ZFYVE16: variants seen among roughly 807,000 people sequenced by gnomAD.
ZFYVE16 encodes the protein zinc finger FYVE domain-containing protein 16.
In ZFYVE16, 89 loss-of-function variants were observed where a neutral mutation model predicts 138.1. The ratio of observed to expected loss-of-function variants is 0.64; its 90% CI spans 0.54 to 0.77. The LOEUF (loss-of-function observed/expected upper bound fraction) is 0.77. Ranked by LOEUF, ZFYVE16 falls within the 30% of genes least tolerant of loss-of-function variation. ZFYVE16 has a pLI of 0.00. For synonymous variants in ZFYVE16, 596 were observed against 618.3 expected (o/e 0.96, Z 0.53); for missense variants, 1,793 against 1,786.7 (o/e 1.00, Z -0.06).
rs760569192 is a variant in ZFYVE16 at position 80,445,400 on chromosome 5, C to T, written c.2719C>T (p.Pro907Ser). Residue 907 changes from proline to serine, a missense_variant, in exon 7 of 19, where the codon CCT (proline) becomes TCT (serine). Physicochemically the swap from Pro to Ser is moderately conservative, Grantham distance 74 (BLOSUM62 -1). Coordinates refer to ENST00000505560, the MANE Select transcript of ZFYVE16 (RefSeq NM_001284236.3). ...EDFSPLSPDV[P>S]MTVNTVDHSH... ...CTTTAGTCCTCTCTCACCTGATGTGCCTATGGTAAGGAATTCAAAGAATAA... is the reference window on the plus strand; with the variant it reads ...CTTTAGTCCTCTCTCACCTGATGTGTCTATGGTAAGGAATTCAAAGAATAA... 6.2e-7 allele frequency: 1 copy of T among 1,610,020 alleles called. No homozygotes were observed. Among genetic ancestry groups the T allele is most frequent in the South Asian group, 1.1e-5 (1 of 90,052 alleles).
At chr5:80,411,952 T>G (rs1745521204) in intron 1 of ZFYVE16, among the ~76,000 whole-genome samples, 1 of 152,166 alleles carries the variant, frequency 6.6e-6, no homozygotes, top group South Asian at 2.1e-4. Flanking sequence ...TTTGCCACTT[T>G]TATTTCATTT....
At position 80,437,894 on chromosome 5, in the gene ZFYVE16, TA is replaced by T; in HGVS notation, c.1212del (p.Asp405IlefsTer7). ...RGDFLPQHEH[K>X]DNIQDAVTIH... ...GTGATTTTTTACCTCAGCATGAACA[TA>T]AAGATAATATACAAGATGCAGTGAC... On this transcript the variant is annotated frameshift_variant, in exon 4 of 19. Coordinates refer to ENST00000505560, the MANE Select transcript of ZFYVE16 (RefSeq NM_001284236.3). LOFTEE classifies it high-confidence loss of function. 1 of 1,613,950 alleles carries T rather than the reference TA, an allele frequency of 6.2e-7. No homozygotes were observed. Among genetic ancestry groups the T allele is most frequent in the Non-Finnish European group, 8.5e-7 (1 of 1,179,890 alleles).
Position 80,456,930 on chromosome 5 carries a change from T to G in ZFYVE16, c.3796-15T>G. 3 of 1,580,362 alleles carry G rather than the reference T, an allele frequency of 1.9e-6. No individual in the cohort carries two copies. The highest frequency in any genetic ancestry group is 2.6e-6 in the Non-Finnish European group (3 of 1,169,416). The stretch of plus-strand genomic sequence containing the variant: ...GTGTTTCTAAATAAATGTTGTTGTT[T>G]TTGTTTTTTTCCAGGTAATGAAAGT... On this transcript the variant is annotated splice_polypyrimidine_tract_variant and intron_variant, in intron 13 of 18. Coordinates refer to ENST00000505560, the MANE Select transcript of ZFYVE16 (RefSeq NM_001284236.3).
At chr5:80,455,924 A>G in intron 12 of ZFYVE16, 150 bp downstream of exon 12, 1 of 686,144 alleles carries the variant, frequency 1.5e-6, no homozygotes, top group South Asian at 2.1e-5. Flanking sequence ...TTATTTTAAC[A>G]TTAGTGCTCA....
At chr5:80,470,099 G>GTGTATA (rs1327173079) in intron 15 of ZFYVE16, among the ~76,000 whole-genome samples, 3 of 121,186 alleles carry the variant, frequency 2.5e-5, no homozygotes, top group African/African-American at 1.0e-4. Context: ...GTGTGTGTGT[G>GTGTATA]TATTTTTTTT....
intron 1 of ZFYVE16, among the ~76,000 whole-genome samples, chr5:80,420,943 C>G (rs923102064): frequency 2.6e-5 from 4 of 152,234 alleles, no homozygotes; most frequent in African/African-American, 9.6e-5. Context: ...TTCTCCACAT[C>G]CTCTCCAGCA....
In ZFYVE16 at chr5:80,438,157, A is replaced by C; in HGVS notation, c.1472A>C (p.Glu491Ala). ...QEGLSGTHVP[E>A]SSDCCEGFIN... The stretch of plus-strand genomic sequence containing the variant: ...GGGCTTTCTGGCACTCATGTCCCAG[A>C]GTCTTCTGATTGTTGTGAAGGTTTT... Residue 491 changes from glutamate (E) to alanine (A), a missense_variant, in exon 4 of 19, where the codon GAG (glutamate) becomes GCG (alanine). Around this residue, in one of 2 missense-constraint regions of ZFYVE16, gnomAD observed 1,295 missense variants for 1,204.3 expected, o/e 1.08. Coordinates refer to ENST00000505560, the MANE Select transcript of ZFYVE16 (RefSeq NM_001284236.3). The C allele has an allele frequency of 6.2e-7, 1 of 1,613,980 alleles. No individual in the cohort carries two copies. Among genetic ancestry groups the C allele is most frequent in the Non-Finnish European group, 8.5e-7 (1 of 1,179,944 alleles).
intron 15 of ZFYVE16, among the ~76,000 whole-genome samples, chr5:80,469,793 C>CT (rs1270683423): frequency 7.8e-6 from 1 of 128,680 alleles, no homozygotes; most frequent in Non-Finnish European, 1.7e-5. Context: ...ACTGATTTTT[C>CT]TTTATGTTCT....
In ZFYVE16 at chr5:80,427,476, C is replaced by T. The variant is rs1005668243; in HGVS notation, c.-93-16C>T. 1 of 151,978 alleles carries T rather than the reference C, an allele frequency of 6.6e-6. No individual in the cohort carries two copies. Among genetic ancestry groups the T allele is most frequent in the African/African-American group, 2.4e-5 (1 of 41,378 alleles). The allele number at this position is 151,978 out of a possible 1,614,324, so 9.4% of individuals were successfully genotyped here. On this transcript the variant is annotated splice_polypyrimidine_tract_variant and intron_variant, in intron 1 of 18. Transcript: ENST00000505560. ...GGCTTTTGTCCTTTTGATATTATCC[C>T]ATTACTTATTGACAGATTCCTGTGA...
intron 1 of ZFYVE16, among the ~76,000 whole-genome samples, chr5:80,421,147 G>T (rs1208947111): frequency 6.6e-6 from 1 of 152,068 alleles, no homozygotes; most frequent in Non-Finnish European, 1.5e-5. Flanking sequence ...GGGGTTGTTT[G>T]TTTTTTTCTT....
chr5:80,415,675 CT>C (rs797020395), intron 1 of ZFYVE16, among the ~76,000 whole-genome samples: 10 of 149,160 alleles, frequency 6.7e-5, no homozygotes, highest in Non-Finnish European at 7.5e-5. Flanking sequence ...TGCCACTTTT[CT>C]TTTTTTTTTG....
At position 80,477,206 on chromosome 5, in the gene ZFYVE16, T is replaced by TTTG; in HGVS notation, c.4462-11_4462-10insGTT. ...TTGCTCATTTTCTTATCAAGAATTT[T>TTTG]TTTTTTTTCTAGGTTGAATTTCAGG... On this transcript the variant is annotated splice_polypyrimidine_tract_variant and intron_variant, in intron 18 of 18. Coordinates refer to ENST00000505560, the MANE Select transcript of ZFYVE16 (RefSeq NM_001284236.3). The TTTG allele has an allele frequency of 6.3e-7, 1 of 1,576,410 alleles. No individual in the cohort carries two copies. The highest frequency in any genetic ancestry group is 1.4e-5 in the African/African-American group (1 of 72,734).
intron 6 of ZFYVE16, among the ~76,000 whole-genome samples, chr5:80,443,608 C>T (rs993559525): frequency 8.5e-5 from 13 of 152,162 alleles, no homozygotes; most frequent in Non-Finnish European, 7.3e-5. Flanking sequence ...GTCACAGCAC[C>T]ATGAAGAGGC....
chr5:80,442,918 A>G (rs1750880566), intron 5 of ZFYVE16: 4 of 494,570 alleles, frequency 8.1e-6, no homozygotes, highest in South Asian at 3.2e-5. Context: ...ACTTATTGGT[A>G]GCTTATCAAA....
chr5:80,431,121 C>T (rs1276873545), intron 2 of ZFYVE16, among the ~76,000 whole-genome samples: 1 of 152,158 alleles, frequency 6.6e-6, no homozygotes, highest in Non-Finnish European at 1.5e-5. Flanking sequence ...CAAAGCCTGG[C>T]AGAGGCACAA....
chr5:80,420,045 C>CAA (rs1464304332), intron 1 of ZFYVE16, among the ~76,000 whole-genome samples: 1 of 150,984 alleles, frequency 6.6e-6, no homozygotes, highest in African/African-American at 2.4e-5. Flanking sequence ...CTCCTGACCT[C>CAA]GTGATCTGCC....
chr5:80,418,258 C>T (rs866457531), intron 1 of ZFYVE16, among the ~76,000 whole-genome samples: 7 of 149,472 alleles, frequency 4.7e-5, no homozygotes, highest in Non-Finnish European at 4.5e-5. Context: ...CTTTCCTTTC[C>T]CCTCCTCTTT....
intron 13 of ZFYVE16, 115 bp downstream of exon 13, chr5:80,456,680 A>T: frequency 1.1e-6 from 1 of 938,770 alleles, no homozygotes; most frequent in Non-Finnish European, 1.6e-6. Context: ...TATGGCAACA[A>T]ACATTGTTTT....
chr5:80,433,999 T>G (rs1181879793), intron 2 of ZFYVE16, 110 bp from the exon 3 acceptor site: 1 of 734,324 alleles, frequency 1.4e-6, no homozygotes, highest in African/African-American at 1.8e-5. Context: ...GCAGCACTCT[T>G]AAATTTTATT....
Sources: gnomAD v4.1 joint callset for allele counts (sites outside exome capture counted in the v4.1 genomes callset) on GRCh38, gnomAD v4.1.1 for gene constraint, gnomAD v4.1.1 regional missense constraint, MANE v1.5 for transcripts, NCBI Gene and HGNC (gene_info 2026-07-23, HGNC 2026-07-21) for gene names.